Variants in CABP4 observed in about 807,000 individuals in gnomAD.
CABP4 encodes the protein calcium-binding protein 4.
CABP4 carries 30 observed loss-of-function variants against 30.7 expected under a neutral mutation model. That is an observed-to-expected ratio of 0.98 (90% confidence interval 0.73 to 1.33). CABP4 has a LOEUF of 1.33. Ranked by LOEUF, CABP4 falls within the 40% of genes most tolerant of loss-of-function variation. The probability of loss-of-function intolerance (pLI) is 0.00; values close to 1 mark genes in which losing one functional copy is unlikely to be tolerated. For missense variants in CABP4, 424 were observed against 395.5 expected, an observed-to-expected ratio of 1.07 and a Z score of -0.61; for synonymous variants, 161 against 159.2, an observed-to-expected ratio of 1.01 and a Z score of -0.08.
At chr11:67,452,834 C>T (rs1452484581), upstream of CABP4, 12 of 828,746 alleles carry the variant, frequency 1.4e-5, no homozygotes, top group Non-Finnish European at 1.9e-5. Context: ...AGGCAAGTCA[C>T]CATCCCTCCC....
upstream of CABP4, among the ~76,000 whole-genome samples, chr11:67,454,200 A>G (rs911855676): frequency 6.6e-6 from 1 of 152,144 alleles, no homozygotes; most frequent in African/African-American, 2.4e-5. Context: ...CTGGGATCCA[A>G]GAGGCCTGCA....
At chr11:67,452,987 A>ACCATTC, upstream of CABP4, 1 of 399,298 alleles carries the variant, frequency 2.5e-6, no homozygotes. Context: ...GGGAGGTGCC[A>ACCATTC]GGGCTCAACC....
In CABP4 at chr11:67,459,252, T is replaced by TGAAA. The variant is rs1330789985; in HGVS notation, c.*603_*606dup. 6.5e-6 allele frequency: 1 copy of TGAAA among 154,526 alleles called. No homozygotes were observed. The highest frequency in any genetic ancestry group is 2.4e-5 in the African/African-American group (1 of 41,266). 9.6% of individuals were successfully genotyped at this position (154,526 alleles called of 1,614,324 possible). ...AACCCAAGTGTAAAAAAAGTGAGCTTGAAAGAAAGAAAGGGATGGCTCCAT... is the reference window on the plus strand; with the variant it reads ...AACCCAAGTGTAAAAAAAGTGAGCTTGAAAGAAAGAAAGAAAGGGATGGCTCCAT... On this transcript the variant is annotated 3_prime_UTR_variant, in exon 6 of 6. Coordinates refer to ENST00000325656, the MANE Select transcript of CABP4 (RefSeq NM_145200.5).
rs754194692 is a variant in CABP4, at chr11:67,456,432, C to G, written c.531C>G (p.Ile177Met). The change falls in exon 3 of 6, where the codon ATC becomes ATG. Residue 177 changes from isoleucine (I) to methionine (M), a missense_variant. Transcript: ENST00000325656. ...AGCTCCTGGAGGTCTCGCAGCACATCAAGATGCGCAGTCAGTCAGGGAGCC... is the reference window on the plus strand; with the variant it reads ...AGCTCCTGGAGGTCTCGCAGCACATGAAGATGCGCAGTCAGTCAGGGAGCC... Reference protein sequence around the residue: ...EMELLEVSQHIKMRMGGRVDF... With the variant: ...EMELLEVSQHMKMRMGGRVDF... The G allele has an allele frequency of 6.2e-7, 1 of 1,611,238 alleles. No individual in the cohort carries two copies. The highest frequency in any genetic ancestry group is 8.5e-7 in the Non-Finnish European group (1 of 1,179,968).
At chr11:67,455,268 G>A (rs1864720365), upstream of CABP4, 3 of 1,032,772 alleles carry the variant, frequency 2.9e-6, no homozygotes, top group South Asian at 5.3e-5. Flanking sequence ...ACTGGGATTA[G>A]GGCCAGGGCT....
chr11:67,456,075 T>G (rs760904827), intron 1 of CABP4, 113 bp from the exon 2 acceptor site: 1 of 1,599,702 alleles, frequency 6.3e-7, no homozygotes, highest in East Asian at 2.2e-5. Flanking sequence ...AGGGTCCTTT[T>G]CCTACTCTGA....
chr11:67,453,853 G>T (rs1404103653), upstream of CABP4, among the ~76,000 whole-genome samples: 2 of 152,108 alleles, frequency 1.3e-5, no homozygotes, highest in Non-Finnish European at 2.9e-5. Flanking sequence ...AGGATTCCAA[G>T]AAGGGAGGGC....
rs573167816 is a variant in CABP4 at position 67,456,000 on chromosome 11, T to C, written c.367-188T>C. ...AGAGCCAGAATTCACACCAGGGCTC[T>C]GTGGGAGCTCCAGGCTCTAGGAGCA... On this transcript the variant is annotated intron_variant, in intron 1 of 5. Transcript: ENST00000325656. 307 of 1,221,866 alleles carry C rather than the reference T, an allele frequency of 2.5e-4. 1 individual carries two copies. The South Asian group carries it at 3.1e-3, about 12-fold the overall frequency. The allele number at this position is 1,221,866 out of a possible 1,614,324, so 75.7% of individuals were successfully genotyped here.
At position 67,455,420 on chromosome 11, in the gene CABP4, C is replaced by T. The variant is rs368779518; in HGVS notation, c.-4C>T. ...GTGTCTCTGAGCCCTGTTATCCCTC[C>T]CCCATGACCACAGAGCAGGCAAGGG... On this transcript the variant is annotated 5_prime_UTR_variant, in exon 1 of 6. Coordinates refer to ENST00000325656, the MANE Select transcript of CABP4 (RefSeq NM_145200.5). The T allele has an allele frequency of 3.5e-5, 56 of 1,605,388 alleles. No individual in the cohort carries two copies. In the African/African-American group the frequency reaches 6.6e-4, roughly 19 times the overall value.
chr11:67,460,929 G>A lies in CABP4; in HGVS notation c.*2270G>A, dbSNP rs907705779. ...GAACCCAGGAGGCGGAGCTTGCAGT[G>A]AGCCGAGATTGCACCACTGCACTCC... On this transcript the variant is annotated 3_prime_UTR_variant, in exon 6 of 6. Transcript: ENST00000325656. Among the ~76,000 whole-genome samples, 1 of 149,146 alleles carries A rather than the reference G, an allele frequency of 6.7e-6. No individual in the cohort carries two copies. The highest frequency in any genetic ancestry group is 2.5e-5 in the African/African-American group (1 of 39,986).
At position 67,456,229 on chromosome 11, in the gene CABP4, C is replaced by T. The variant is rs773803133; in HGVS notation, c.397+11C>T. 14 of 1,613,444 alleles carry T rather than the reference C, an allele frequency of 8.7e-6. No homozygotes were observed. In the East Asian group the frequency reaches 2.7e-4, roughly 31 times the overall value. ...CCGAGGAGCTAGACGGTGAGTGGCT[C>T]TTGCTGCTGGCAGGGGGTGGGAGCT... On this transcript the variant is annotated intron_variant, in intron 2 of 5. Transcript: ENST00000325656.
At position 67,457,663 on chromosome 11, in the gene CABP4, T is replaced by C. The variant is rs1425574063; in HGVS notation, c.632T>C (p.Leu211Pro). Reference protein sequence around the residue: ...ETAHMLGVRELRIAFREFDRD... With the variant: ...ETAHMLGVREPRIAFREFDRD... ...GCGCACATGCTGGGGGTGCGAGAGC[T>C]GCGCATCGCCTTCCGAGAGGTGCGG... Residue 211 changes from leucine (L) to proline (P), a missense_variant, in exon 4 of 6, where the codon CTG becomes CCG. Physicochemically the swap from Leu to Pro is moderately conservative, Grantham distance 98. Coordinates refer to ENST00000325656, the MANE Select transcript of CABP4 (RefSeq NM_145200.5). The C allele has an allele frequency of 2.5e-6, 4 of 1,595,624 alleles. No homozygotes were observed. Among genetic ancestry groups the C allele is most frequent in the Middle Eastern group, 1.7e-4 (1 of 6,040 alleles).
chr11:67,460,826 CA>C lies in CABP4; in HGVS notation c.*2176del, dbSNP rs754783722. Among the ~76,000 whole-genome samples the C allele has an allele frequency of 1.1e-4, 17 of 149,368 alleles. No homozygotes were observed. The highest frequency in any genetic ancestry group is 4.2e-4 in the South Asian group (2 of 4,750). On this transcript the variant is annotated 3_prime_UTR_variant, in exon 6 of 6. Coordinates refer to ENST00000325656, the MANE Select transcript of CABP4 (RefSeq NM_145200.5). ...TGAAACCCCATCTCTACTAAAAATA[CA>C]AAAAAAAATTAGCTGGGCGTGGTGG...
chr11:67,456,381 C>A lies in CABP4; in HGVS notation c.480C>A (p.Thr160=). 6.2e-7 allele frequency: 1 copy of A among 1,606,758 alleles called. No homozygotes were observed. The highest frequency in any genetic ancestry group is 2.2e-5 in the East Asian group (1 of 44,572). Residue 160 remains threonine, a synonymous_variant, in exon 3 of 6, where the codon ACC becomes ACA. Coordinates refer to ENST00000325656, the MANE Select transcript of CABP4 (RefSeq NM_145200.5). The stretch of plus-strand genomic sequence containing the variant: ...GGGAGCTGGGTGACTGCATGCGGAC[C>A]CTGGGCTACATGCCCACCGAGATGG... ...SHRELGDCMR[T]LGYMPTEMEL...
At position 67,455,776 on chromosome 11, in the gene CABP4, G is replaced by A. The variant is rs777531387; in HGVS notation, c.353G>A (p.Arg118Gln). Residue 118 changes from arginine (R) to glutamine (Q), a missense_variant, in exon 1 of 6, where the codon CGA becomes CAA. Coordinates refer to ENST00000325656, the MANE Select transcript of CABP4 (RefSeq NM_145200.5). ...AQRTYGPLLN[R>Q]VFGKDRELGP... ...AGGACATACGGGCCCCTGCTCAATC[G>A]AGTCTTCGGGAAGGTTAGGTGGGAC... The A allele has an allele frequency of 3.8e-6, 6 of 1,575,846 alleles. No individual in the cohort carries two copies. In the African/African-American group the frequency reaches 5.4e-5, roughly 14 times the overall value.
At position 67,459,685 on chromosome 11, in the gene CABP4, T is replaced by TCACGCCTGTAATCC. The variant is rs1200480939; in HGVS notation, c.*1029_*1042dup. ...AGATTATTGGGCTGGGAGTGGTGGCTCACGCCTGTAATCCCAGCACTTTGG... is the reference window on the plus strand; with the variant it reads ...AGATTATTGGGCTGGGAGTGGTGGCTCACGCCTGTAATCCCACGCCTGTAATCCCAGCACTTTGG... On this transcript the variant is annotated 3_prime_UTR_variant, in exon 6 of 6. Transcript: ENST00000325656. The TCACGCCTGTAATCC allele has an allele frequency of 6.6e-6, 1 of 152,232 alleles. No homozygotes were observed. Among genetic ancestry groups the TCACGCCTGTAATCC allele is most frequent in the African/African-American group, 2.4e-5 (1 of 41,448 alleles). The allele number at this position is 152,232 out of a possible 1,614,324, so 9.4% of individuals were successfully genotyped here.
rs760698045 is a variant in CABP4, at chr11:67,461,243, G to A, written c.*2584G>A. On this transcript the variant is annotated 3_prime_UTR_variant, in exon 6 of 6. Coordinates refer to ENST00000325656, the MANE Select transcript of CABP4 (RefSeq NM_145200.5). The stretch of plus-strand genomic sequence containing the variant: ...CCAGGAGTTGGAGGCTGCAGTGATC[G>A]TGCCACTGCACTCCAGCCTTGGTGA... 6.6e-6 allele frequency among the ~76,000 whole-genome samples: 1 copy of A among 152,166 alleles called. No individual in the cohort carries two copies. The highest frequency in any genetic ancestry group is 2.4e-5 in the African/African-American group (1 of 41,448).
At chr11:67,457,295 C>T (rs957108914) in intron 3 of CABP4, among the ~76,000 whole-genome samples, 2 of 152,170 alleles carry the variant, frequency 1.3e-5, no homozygotes, top group African/African-American at 4.8e-5. Flanking sequence ...ATGCCACGCA[C>T]ATCAGCAGCA....
Position 67,455,488 on chromosome 11 carries a change from C to T in CABP4, c.65C>T (p.Pro22Leu), listed in dbSNP as rs1347123314. 1.2e-6 allele frequency: 2 copies of T among 1,608,734 alleles called. No homozygotes were observed. Among genetic ancestry groups the T allele is most frequent in the African/African-American group, 1.3e-5 (1 of 74,918 alleles). ...CTGGCCATTGGCCGTCAGAAGCCCC[C>T]TGCGGGGGTTGTGACTCCCAAGAGT... ...PNLAIGRQKP[P>L]AGVVTPKSDA... is the part of the protein sequence containing the mutation. The change falls in exon 1 of 6, where the codon CCT becomes CTT. Residue 22 changes from proline (P) to leucine (L), a missense_variant. Physicochemically the swap from Pro to Leu is moderately conservative, Grantham distance 98 (BLOSUM62 -3). Transcript: ENST00000325656.
Sources: gnomAD v4.1 joint callset for allele counts (sites outside exome capture counted in the v4.1 genomes callset) on GRCh38, gnomAD v4.1.1 for gene constraint, MANE v1.5 for transcripts, NCBI Gene and HGNC (gene_info 2026-07-23, HGNC 2026-07-21) for gene names.